The following PEX26 variants were observed in gnomAD, a reference collection of about 807,000 sequenced individuals.
PEX26 encodes the protein peroxisomal biogenesis factor 26, also known as peroxisome assembly protein 26.
PEX26 carries 18 observed loss-of-function variants against 31.4 expected under a neutral mutation model. The observed-to-expected ratio is 0.57, with a 90% confidence interval of 0.40 to 0.85. The LOEUF is 0.85. PEX26 is among the 40% of genes least tolerant of loss of function. The pLI is 0.00. For missense variants in PEX26, 377 were observed against 383.9 expected, an observed-to-expected ratio of 0.98 and a Z score of 0.15; for synonymous variants, 176 against 166.9, an observed-to-expected ratio of 1.05 and a Z score of -0.42.
In PEX26 at chr22:18,100,602, A is replaced by G. The variant is rs1190921181; in HGVS notation, c.*12527A>G. On this transcript the variant is annotated 3_prime_UTR_variant, in exon 5 of 5. Transcript: ENST00000399744. ...ATTCTCACTTCTACTTAAAAAATCAAAGGTACACATTGGGAATTGAACAGC... is the reference window on the plus strand; with the variant it reads ...ATTCTCACTTCTACTTAAAAAATCAGAGGTACACATTGGGAATTGAACAGC... The G allele has an allele frequency of 6.6e-6, 1 of 152,190 alleles. No homozygotes were observed. The highest frequency in any genetic ancestry group is 1.5e-5 in the Non-Finnish European group (1 of 68,038). The allele number at this position is 152,190 out of a possible 1,614,324, so 9.4% of individuals were successfully genotyped here. A position where few individuals can be genotyped will look rare whatever the true frequency, so the allele number is the denominator to read the frequency against.
intron 2 of PEX26, among the ~76,000 whole-genome samples, chr22:18,082,497 T>A (rs984095050): frequency 6.6e-5 from 10 of 152,246 alleles, no homozygotes; most frequent in African/African-American, 2.4e-4. Context: ...GGCACCTTTG[T>A]TGAAAATCAG....
chr22:18,100,454 C>T lies in PEX26; in HGVS notation c.*12379C>T, dbSNP rs1351155482. 5 of 152,132 alleles carry T rather than the reference C, an allele frequency of 3.3e-5. No homozygotes were observed. Among genetic ancestry groups the T allele is most frequent in the Non-Finnish European group, 7.4e-5 (5 of 68,026 alleles). The allele number at this position is 152,132 out of a possible 1,614,324, so 9.4% of individuals were successfully genotyped here. ...CTTGCAAAATACCTCAAGTGTACCTCATTTACCTCAAATATACCTCATGGT... is the reference window on the plus strand; with the variant it reads ...CTTGCAAAATACCTCAAGTGTACCTTATTTACCTCAAATATACCTCATGGT... On this transcript the variant is annotated 3_prime_UTR_variant, in exon 5 of 5. Coordinates refer to ENST00000399744, the MANE Select transcript of PEX26 (RefSeq NM_001127649.3).
intron 1 of PEX26, 87 bp downstream of exon 1, chr22:18,078,693 GC>G: frequency 1.6e-6 from 2 of 1,225,736 alleles, no homozygotes; most frequent in Non-Finnish European, 2.3e-6. Context: ...TTCCCAGATT[GC>G]CCACAAGGAG....
rs1381929305 is a variant in PEX26 at position 18,093,710 on chromosome 22, A to C, written c.*5635A>C. On this transcript the variant is annotated 3_prime_UTR_variant, in exon 5 of 5. Coordinates refer to ENST00000399744, the MANE Select transcript of PEX26 (RefSeq NM_001127649.3). Reference sequence around the variant, plus strand: ...GGTGTCTGATTGTGTATCTAGCAACATTGCAGTATGAAGAAAAGAGATGCC... The same window carrying C: ...GGTGTCTGATTGTGTATCTAGCAACCTTGCAGTATGAAGAAAAGAGATGCC... 1 of 152,270 alleles carries C rather than the reference A, an allele frequency of 6.6e-6. No homozygotes were observed. Among genetic ancestry groups the C allele is most frequent in the Non-Finnish European group, 1.5e-5 (1 of 68,050 alleles). 9.4% of individuals were successfully genotyped at this position (152,270 alleles called of 1,614,324 possible). A position where few individuals can be genotyped will look rare whatever the true frequency, so the allele number is the denominator to read the frequency against.
At chr22:18,085,062 A>G in intron 3 of PEX26, 50 bp from the exon 4 acceptor site, 1 of 1,606,274 alleles carries the variant, frequency 6.2e-7, no homozygotes, top group Non-Finnish European at 8.5e-7. Flanking sequence ...GGGGTCAGGG[A>G]AGCTGATTCC....
chr22:18,085,217 C>CTGCCT lies in PEX26; in HGVS notation c.776_780dup (p.Ile261ProfsTer2). 1 of 1,614,120 alleles carries CTGCCT rather than the reference C, an allele frequency of 6.2e-7. No homozygotes were observed. Among genetic ancestry groups the CTGCCT allele is most frequent in the Non-Finnish European group, 8.5e-7 (1 of 1,179,996 alleles). ...CTGCCCTTCAAAAAGAGTCTCCTGG[C>CTGCCT]TGCCTTGATCCTCTGTCTCCTGGTG... On this transcript the variant is annotated frameshift_variant, in exon 4 of 5. Transcript: ENST00000399744. LOFTEE classifies it high-confidence loss of function.
rs1048001368 is a variant in PEX26 at position 18,105,206 on chromosome 22, G to A, written c.*17131G>A. ...ATTGGAACTCTGAAGTCTAACCTAA[G>A]AGAACAAGGACAAGCCTCTCTATGA... On this transcript the variant is annotated 3_prime_UTR_variant, in exon 5 of 5. Transcript: ENST00000399744. 1 of 152,174 alleles carries A rather than the reference G, an allele frequency of 6.6e-6. No individual in the cohort carries two copies. The highest frequency in any genetic ancestry group is 6.6e-5 in the Admixed American group (1 of 15,250). 9.4% of individuals were successfully genotyped at this position (152,174 alleles called of 1,614,324 possible). A position where few individuals can be genotyped will look rare whatever the true frequency, so the allele number is the denominator to read the frequency against.
In PEX26 at chr22:18,100,881, C is replaced by T. The variant is rs1277608351; in HGVS notation, c.*12806C>T. Reference sequence around the variant, plus strand: ...GGAAAGGATTTTCAGCAAACATGCACAAACACAGTTAATATGCTGGAAGAA... The same window carrying T: ...GGAAAGGATTTTCAGCAAACATGCATAAACACAGTTAATATGCTGGAAGAA... On this transcript the variant is annotated 3_prime_UTR_variant, in exon 5 of 5. Transcript: ENST00000399744. 6.6e-6 allele frequency: 1 copy of T among 152,230 alleles called. No individual in the cohort carries two copies. Among genetic ancestry groups the T allele is most frequent in the East Asian group, 1.9e-4 (1 of 5,198 alleles). 9.4% of individuals were successfully genotyped at this position (152,230 alleles called of 1,614,324 possible). A position where few individuals can be genotyped will look rare whatever the true frequency, so the allele number is the denominator to read the frequency against.
In PEX26 at chr22:18,098,676, TATA is replaced by T. The variant is rs1319061891; in HGVS notation, c.*10605_*10607del. On this transcript the variant is annotated 3_prime_UTR_variant, in exon 5 of 5. Coordinates refer to ENST00000399744, the MANE Select transcript of PEX26 (RefSeq NM_001127649.3). Reference sequence around the variant, plus strand: ...AAAAAATTACCTCCCTCATTTTCTTTATAATATTATTGTGTAAAATGAGTAAAA... The same window carrying T: ...AAAAAATTACCTCCCTCATTTTCTTTATATTATTGTGTAAAATGAGTAAAA... 8.6e-5 allele frequency: 13 copies of T among 151,968 alleles called. No individual in the cohort carries two copies. The highest frequency in any genetic ancestry group is 8.5e-4 in the Admixed American group (13 of 15,228). The allele number at this position is 151,968 out of a possible 1,614,324, so 9.4% of individuals were successfully genotyped here.
chr22:18,083,426 G>A lies in PEX26; in HGVS notation c.372-11G>A, dbSNP rs747470932. On this transcript the variant is annotated splice_polypyrimidine_tract_variant and intron_variant, in intron 2 of 4. Coordinates refer to ENST00000399744, the MANE Select transcript of PEX26 (RefSeq NM_001127649.3). ...TTCTTTTGTTGGGATTGGGTTTTTTGGGGACTGCAGCATTCTTTTATACAG... is the reference window on the plus strand; with the variant it reads ...TTCTTTTGTTGGGATTGGGTTTTTTAGGGACTGCAGCATTCTTTTATACAG... 1.9e-6 allele frequency: 3 copies of A among 1,613,238 alleles called. No homozygotes were observed. The highest frequency in any genetic ancestry group is 2.5e-6 in the Non-Finnish European group (3 of 1,179,842).
In PEX26 at chr22:18,093,916, C is replaced by T. The variant is rs572253999; in HGVS notation, c.*5841C>T. On this transcript the variant is annotated 3_prime_UTR_variant, in exon 5 of 5. Transcript: ENST00000399744. ...GCAGGCGGGAAGGGGCCATGTTGGC[C>T]GGACAACTGCAGGTGAAGATGGGAT... The T allele has an allele frequency of 4.0e-4, 61 of 152,350 alleles. No homozygotes were observed. The highest frequency in any genetic ancestry group is 1.4e-3 in the African/African-American group (59 of 41,514). 9.4% of individuals were successfully genotyped at this position (152,350 alleles called of 1,614,324 possible).
chr22:18,086,694 T>G (rs376772082), intron 4 of PEX26, among the ~76,000 whole-genome samples: 7 of 152,286 alleles, frequency 4.6e-5, no homozygotes, highest in East Asian at 1.9e-4. Flanking sequence ...TAATCTCTAC[T>G]CTTCTCATGA....
chr22:18,079,318 T>C, intron 1 of PEX26: 1 of 712,252 alleles, frequency 1.4e-6, no homozygotes, highest in Non-Finnish European at 1.7e-6. Context: ...AGGTGGTAGG[T>C]AGAATAGCTA....
In PEX26 at chr22:18,101,233, T is replaced by A. The variant is rs1170306760; in HGVS notation, c.*13158T>A. 1 of 152,156 alleles carries A rather than the reference T, an allele frequency of 6.6e-6. No individual in the cohort carries two copies. Among genetic ancestry groups the A allele is most frequent in the Non-Finnish European group, 1.5e-5 (1 of 68,026 alleles). 9.4% of individuals were successfully genotyped at this position (152,156 alleles called of 1,614,324 possible). A position where few individuals can be genotyped will look rare whatever the true frequency, so the allele number is the denominator to read the frequency against. On this transcript the variant is annotated 3_prime_UTR_variant, in exon 5 of 5. Coordinates refer to ENST00000399744, the MANE Select transcript of PEX26 (RefSeq NM_001127649.3). ...CTAGGAATTGATTTTCACATGTAGT[T>A]TTTAGGTAAAGGACATCTCTTTCAG... is the stretch of plus-strand genomic sequence containing the variant.
Position 18,083,634 on chromosome 22 carries a change from A to G in PEX26, c.569A>G (p.Glu190Gly), listed in dbSNP as rs201867828. ...GTGGGCTCTGCAGCCTTTGGTGAGG[A>G]GCGGCGACTGGATGTACTTCAGGCC... is the stretch of plus-strand genomic sequence containing the variant. ...LVVGSAAFGE[E>G]RRLDVLQAIH... Residue 190 changes from glutamate (E) to glycine (G), a missense_variant, in exon 3 of 5, where the codon GAG (glutamate) becomes GGG (glycine). Glu to Gly is a moderately conservative substitution (Grantham distance 98). Coordinates refer to ENST00000399744, the MANE Select transcript of PEX26 (RefSeq NM_001127649.3). 1.4e-5 allele frequency: 22 copies of G among 1,613,964 alleles called. No homozygotes were observed. In the South Asian group the frequency reaches 2.2e-4, roughly 16 times the overall value.
intron 2 of PEX26, among the ~76,000 whole-genome samples, chr22:18,081,173 A>G (rs1569186933): frequency 8.8e-6 from 1 of 113,050 alleles, no homozygotes; most frequent in Non-Finnish European, 1.9e-5. Context: ...ATATATATAT[A>G]TATGCGTGTG....
At chr22:18,080,640 A>G (rs1926536507) in intron 2 of PEX26, among the ~76,000 whole-genome samples, 1 of 152,200 alleles carries the variant, frequency 6.6e-6, no homozygotes, top group African/African-American at 2.4e-5. Flanking sequence ...AAAAAATAAC[A>G]AAGTTTTTAA....
At position 18,078,584 on chromosome 22, in the gene PEX26, G is replaced by T. The variant is rs766581207; in HGVS notation, c.208G>T (p.Val70Leu). The change falls in exon 1 of 5, where the codon GTG (valine) becomes TTG (leucine). Residue 70 changes from valine to leucine, a missense_variant. Physicochemically the swap from Val to Leu is conservative, Grantham distance 32. Coordinates refer to ENST00000399744, the MANE Select transcript of PEX26 (RefSeq NM_001127649.3). ...RAWQSLANHA[V>L]AEEPAGTSLE... is the part of the protein sequence containing the mutation. ...CTGGCAGAGTCTGGCCAACCACGCC[G>T]TGGCAGAGGAACCCGCGGGCACGTA... 27 of 1,600,056 alleles carry T rather than the reference G, an allele frequency of 1.7e-5. No homozygotes were observed. Among genetic ancestry groups the T allele is most frequent in the Non-Finnish European group, 2.0e-5 (24 of 1,175,856 alleles).
chr22:18,084,931 C>T (rs1926777061), intron 3 of PEX26, among the ~76,000 whole-genome samples, 181 bp from the exon 4 acceptor site: 1 of 152,042 alleles, frequency 6.6e-6, no homozygotes, highest in East Asian at 1.9e-4. Flanking sequence ...CCATGTTAGC[C>T]AGGATGGTCT....
Sources: gnomAD v4.1 joint callset for allele counts (sites outside exome capture counted in the v4.1 genomes callset) on GRCh38, gnomAD v4.1.1 for gene constraint, MANE v1.5 for transcripts, NCBI Gene and HGNC (gene_info 2026-07-23, HGNC 2026-07-21) for gene names.